C10orf143: variants seen among roughly 807,000 people sequenced by gnomAD.
C10orf143 encodes uncharacterized protein C10orf143.
At chr10:130,058,979 G>T (rs1469501319), downstream of C10orf143, among the ~76,000 whole-genome samples, 1 of 152,064 alleles carries the variant, frequency 6.6e-6, no homozygotes, top group South Asian at 2.1e-4. Context: ...GCATGAGAAA[G>T]ATCAAAGAAC....
chr10:130,088,624 T>C (rs2134783527), intron 1 of C10orf143, among the ~76,000 whole-genome samples: 1 of 152,294 alleles, frequency 6.6e-6, no homozygotes, highest in South Asian at 2.1e-4. Flanking sequence ...GGAGGTTTCT[T>C]TGGTTCAGTT....
intron 1 of C10orf143, chr10:130,108,460 T>C: frequency 1.3e-6 from 1 of 782,564 alleles, no homozygotes; most frequent in Non-Finnish European, 2.4e-6. Flanking sequence ...CCTGGCAATA[T>C]TTTTGCTCTC....
intron 3 of C10orf143, among the ~76,000 whole-genome samples, chr10:130,043,180 G>A (rs1271276987): frequency 2.0e-5 from 3 of 152,184 alleles, no homozygotes; most frequent in African/African-American, 4.8e-5. Flanking sequence ...CAATGCTGCC[G>A]TAAGTCTCAA....
chr10:130,075,632 C>T (rs1861103237), intron 3 of C10orf143, among the ~76,000 whole-genome samples: 2 of 152,148 alleles, frequency 1.3e-5, no homozygotes, highest in African/African-American at 4.8e-5. Context: ...GTGTCCCCAC[C>T]CAAATCTCAT....
chr10:130,061,774 A>G (rs1296292208), downstream of C10orf143, among the ~76,000 whole-genome samples: 1 of 152,224 alleles, frequency 6.6e-6, no homozygotes, highest in Non-Finnish European at 1.5e-5. Context: ...GGTTTTGCCT[A>G]TTAGCTAATC....
At chr10:130,070,921 T>G (rs932583877) in intron 3 of C10orf143, among the ~76,000 whole-genome samples, 1 of 151,874 alleles carries the variant, frequency 6.6e-6, no homozygotes, top group Non-Finnish European at 1.5e-5. Flanking sequence ...AATATTTTGT[T>G]TTGTTTTGTT....
chr10:130,053,604 C>T (rs1860762038), intron 3 of C10orf143, among the ~76,000 whole-genome samples: 1 of 152,110 alleles, frequency 6.6e-6, no homozygotes, highest in Non-Finnish European at 1.5e-5. Context: ...TGCTGTTGGG[C>T]GTGAGACTCA....
intron 1 of C10orf143, among the ~76,000 whole-genome samples, chr10:130,091,175 G>T (rs1338542831): frequency 6.6e-6 from 1 of 152,210 alleles, no homozygotes; most frequent in Non-Finnish European, 1.5e-5. Flanking sequence ...GAGAGCTCCA[G>T]CTGGCATCTG....
intron 3 of C10orf143, among the ~76,000 whole-genome samples, chr10:130,069,434 T>C (rs1860994183): frequency 6.6e-6 from 1 of 152,240 alleles, no homozygotes; most frequent in South Asian, 2.1e-4. Context: ...GAAATGCTGA[T>C]GAAATACAGA....
At position 130,065,767 on chromosome 10, in the gene C10orf143, T is replaced by G. The variant is rs1261125417; in HGVS notation, c.298-1384A>C. On this transcript the variant is annotated intron_variant, in intron 3 of 3. Coordinates refer to ENST00000637128, the MANE Select transcript of C10orf143 (RefSeq NM_001355042.2). The surrounding 1 kb of genome is among the most constrained non-coding windows in gnomAD (Gnocchi z 4.2). ...AAGGCAGGGGAAAGTATGTAGCATT[T>G]CCTGAACTTCTCTGGACAAGAACCT... 6.6e-6 allele frequency: 1 copy of G among 152,224 alleles called. No individual in the cohort carries two copies. Among genetic ancestry groups the G allele is most frequent in the East Asian group, 1.9e-4 (1 of 5,198 alleles). 9.4% of individuals were successfully genotyped at this position (152,224 alleles called of 1,614,324 possible). A position where few individuals can be genotyped will look rare whatever the true frequency, so the allele number is the denominator to read the frequency against.
intron 3 of C10orf143, among the ~76,000 whole-genome samples, chr10:130,048,364 A>T (rs1162302548): frequency 6.6e-6 from 1 of 152,118 alleles, no homozygotes; most frequent in Admixed American, 6.5e-5. Flanking sequence ...GTTGGCTGAG[A>T]GTAGGTTCCC....
downstream of C10orf143, among the ~76,000 whole-genome samples, chr10:130,059,856 T>C (rs1254410289): frequency 1.3e-5 from 2 of 152,144 alleles, no homozygotes; most frequent in Non-Finnish European, 2.9e-5. Context: ...AACAAAATCA[T>C]CATGAAATTG....
At chr10:130,037,694 G>A (rs1860560345) in intron 3 of C10orf143, among the ~76,000 whole-genome samples, 1 of 152,220 alleles carries the variant, frequency 6.6e-6, no homozygotes, top group Non-Finnish European at 1.5e-5. Context: ...ATCAATGCGG[G>A]CCTTATTAAT....
At position 130,108,199 on chromosome 10, in the gene C10orf143, C is replaced by T. The variant is rs754650136; in HGVS notation, c.69+2505G>A. 2.6e-6 allele frequency: 4 copies of T among 1,562,104 alleles called. No homozygotes were observed. In the South Asian group the frequency reaches 4.4e-5, roughly 17 times the overall value. ...TCATGAGAAGAGCACCTCCTTTCCC[C>T]CCACCTCCTCCAGGAACCAGGTTTG... On this transcript the variant is annotated intron_variant, in intron 1 of 3. Coordinates refer to ENST00000637128, the MANE Select transcript of C10orf143 (RefSeq NM_001355042.2).
intron 3 of C10orf143, among the ~76,000 whole-genome samples, chr10:130,054,670 C>G (rs1055052894): frequency 3.9e-5 from 6 of 152,324 alleles, no homozygotes; most frequent in Admixed American, 3.3e-4. Flanking sequence ...TCTTCACATT[C>G]TCACCAACAC....
intron 3 of C10orf143, among the ~76,000 whole-genome samples, chr10:130,079,018 G>A (rs1861163537): frequency 6.6e-6 from 1 of 151,914 alleles, no homozygotes; most frequent in South Asian, 2.1e-4. Flanking sequence ...TAATAACAAA[G>A]GTATTATTAT....
intron 3 of C10orf143, among the ~76,000 whole-genome samples, chr10:130,054,361 T>C (rs973575612): frequency 1.3e-5 from 2 of 152,216 alleles, no homozygotes; most frequent in Non-Finnish European, 2.9e-5. Flanking sequence ...TTTCCTCCTT[T>C]TTAAAGACTG....
chr10:130,041,204 A>G (rs760780445), intron 3 of C10orf143, among the ~76,000 whole-genome samples: 35 of 152,222 alleles, frequency 2.3e-4, no homozygotes, highest in Non-Finnish European at 3.8e-4. Context: ...GCACCTAAAT[A>G]CCGAGGCTCT....
intron 1 of C10orf143, among the ~76,000 whole-genome samples, chr10:130,091,228 G>A (rs373896199): frequency 6.6e-6 from 1 of 152,188 alleles, no homozygotes; most frequent in South Asian, 2.1e-4. Context: ...GAAGGAACAG[G>A]CAGCAATCTT....
Sources: allele counts gnomAD v4.1 joint callset (sites outside exome capture counted in the v4.1 genomes callset), GRCh38; gene constraint gnomAD v4.1.1; non-coding constraint Gnocchi (gnomAD v3.1); transcripts MANE v1.5; gene names NCBI Gene and HGNC (gene_info 2026-07-23, HGNC 2026-07-21).